PRORP: variants seen among roughly 807,000 people sequenced by gnomAD.
PRORP encodes the protein protein only RNase P catalytic subunit, also known as mitochondrial ribonuclease P catalytic subunit.
PRORP carries 51 observed loss-of-function variants against 59.4 expected under a neutral mutation model. The ratio of observed to expected loss-of-function variants is 0.86; its 90% CI spans 0.69 to 1.08. The LOEUF (loss-of-function observed/expected upper bound fraction) is 1.08. Ranked by LOEUF, PRORP falls within the 50% of genes least tolerant of loss-of-function variation. The pLI, the probability that PRORP is intolerant of heterozygous loss-of-function variation, is 0.00. For synonymous variants in PRORP, 231 were observed against 245.6 expected, an observed-to-expected ratio of 0.94 and a Z score of 0.55; for missense variants, 646 against 690.3, an observed-to-expected ratio of 0.94 and a Z score of 0.72.
chr14:35,217,500 C>CAAAAA, intron 5 of PRORP, among the ~76,000 whole-genome samples: 1 of 73,830 alleles, frequency 1.4e-5, no homozygotes, highest in Non-Finnish European at 2.9e-5. Flanking sequence ...GACTCTGTCT[C>CAAAAA]AAAAAAAAAA....
At chr14:35,268,444 G>A (rs2051103483) in intron 6 of PRORP, among the ~76,000 whole-genome samples, 1 of 151,424 alleles carries the variant, frequency 6.6e-6, no homozygotes, top group Admixed American at 6.6e-5. Context: ...CAGCACATAT[G>A]AACTCAATGC....
intron 4 of PRORP, among the ~76,000 whole-genome samples, chr14:35,138,026 A>C (rs2047410925): frequency 6.9e-6 from 1 of 145,576 alleles, no homozygotes; most frequent in African/African-American, 2.4e-5. Context: ...GCAGAAATTC[A>C]TTTTCTCACC....
At chr14:35,157,157 A>T (rs1026466634) in intron 4 of PRORP, among the ~76,000 whole-genome samples, 1 of 151,848 alleles carries the variant, frequency 6.6e-6, no homozygotes, top group Non-Finnish European at 1.5e-5. Context: ...GGGTTTCACT[A>T]TGTTAGCCAG....
chr14:35,237,767 T>G (rs1235835184), intron 5 of PRORP, among the ~76,000 whole-genome samples: 1 of 152,176 alleles, frequency 6.6e-6, no homozygotes, highest in Non-Finnish European at 1.5e-5. Context: ...CAAGAGATTC[T>G]CCTGCCTCAG....
Position 35,123,857 on chromosome 14 carries a change from A to C in PRORP, c.612A>C (p.Arg204Ser). ...ATGTCTTTGAAATTATGAAAGCCAGATATAAGACTTTAGAACCTAGAGGTT... is the reference window on the plus strand; with the variant it reads ...ATGTCTTTGAAATTATGAAAGCCAGCTATAAGACTTTAGAACCTAGAGGTT... ...VIDVFEIMKA[R>S]YKTLEPRGYS... Residue 204 changes from arginine (R) to serine (S), a missense_variant, in exon 2 of 8, where the codon AGA (arginine) becomes AGC (serine). By Grantham distance (110) the Arg-to-Ser change is moderately radical. Coordinates refer to ENST00000534898, the MANE Select transcript of PRORP (RefSeq NM_014672.4). 1 of 1,614,150 alleles carries C rather than the reference A, an allele frequency of 6.2e-7. No individual in the cohort carries two copies. The highest frequency in any genetic ancestry group is 2.2e-5 in the East Asian group (1 of 44,884).
chr14:35,268,391 A>G (rs1478078785), intron 6 of PRORP, among the ~76,000 whole-genome samples: 3 of 151,830 alleles, frequency 2.0e-5, no homozygotes, highest in Non-Finnish European at 4.4e-5. Context: ...GTAGCCATAA[A>G]GTAAGAAGAA....
intron 5 of PRORP, among the ~76,000 whole-genome samples, chr14:35,248,653 T>C (rs1013468826): frequency 6.6e-6 from 1 of 152,212 alleles, no homozygotes; most frequent in Non-Finnish European, 1.5e-5. Context: ...TATTTGAAAC[T>C]AGAAGCCTCA....
chr14:35,135,861 G>A (rs927575546), intron 4 of PRORP, among the ~76,000 whole-genome samples: 4 of 151,844 alleles, frequency 2.6e-5, no homozygotes, highest in African/African-American at 9.7e-5. Flanking sequence ...AGGAGGCTGA[G>A]GCAGAAGAAT....
At position 35,143,704 on chromosome 14, in the gene PRORP, A is replaced by G. The variant is rs1016439652; in HGVS notation, c.1167+16093A>G. Among the ~76,000 whole-genome samples, 12 of 144,858 alleles carry G rather than the reference A, an allele frequency of 8.3e-5. 1 individual carries two copies. The South Asian group carries it at 2.5e-3, about 30-fold the overall frequency. ...CTCTTGTTGCCTAGGCTGGAGTGCAATGGCGCGATCTCGGCTCACCGCAAC... is the reference window on the plus strand; with the variant it reads ...CTCTTGTTGCCTAGGCTGGAGTGCAGTGGCGCGATCTCGGCTCACCGCAAC... On this transcript the variant is annotated intron_variant, in intron 4 of 7. Coordinates refer to ENST00000534898, the MANE Select transcript of PRORP (RefSeq NM_014672.4).
At chr14:35,254,952 C>T (rs1487197198) in intron 5 of PRORP, among the ~76,000 whole-genome samples, 2 of 152,106 alleles carry the variant, frequency 1.3e-5, no homozygotes, top group Non-Finnish European at 2.9e-5. Flanking sequence ...CCTTGCCGGG[C>T]TAGTTCATCT....
chr14:35,183,242 A>G (rs200138479), intron 5 of PRORP, among the ~76,000 whole-genome samples: 6 of 145,090 alleles, frequency 4.1e-5, no homozygotes, highest in Non-Finnish European at 7.7e-5. Flanking sequence ...ACACACACGC[A>G]CACACACACA....
intron 5 of PRORP, among the ~76,000 whole-genome samples, chr14:35,189,741 A>G (rs1365985773): frequency 6.6e-6 from 1 of 152,180 alleles, no homozygotes; most frequent in Non-Finnish European, 1.5e-5. Flanking sequence ...GACTCTTTTC[A>G]TTAAAGATTT....
At chr14:35,188,695 G>C (rs1595270404) in intron 5 of PRORP, among the ~76,000 whole-genome samples, 1 of 151,604 alleles carries the variant, frequency 6.6e-6, no homozygotes, top group African/African-American at 2.4e-5. Context: ...CATTGCCTAA[G>C]AGCCGGGCGC....
chr14:35,239,649 T>C (rs1311321613), intron 5 of PRORP, among the ~76,000 whole-genome samples: 1 of 152,238 alleles, frequency 6.6e-6, no homozygotes, highest in Non-Finnish European at 1.5e-5. Context: ...CATTGTTTCT[T>C]TGGCATTTCA....
At chr14:35,179,567 G>T (rs576465530) in intron 4 of PRORP, among the ~76,000 whole-genome samples, 2 of 152,162 alleles carry the variant, frequency 1.3e-5, no homozygotes, top group African/African-American at 4.8e-5. Context: ...CGTAGTTCTC[G>T]TGCCATGGTT....
In PRORP at chr14:35,273,498, G is replaced by A; in HGVS notation, c.1684G>A (p.Glu562Lys). The A allele has an allele frequency of 2.5e-6, 4 of 1,613,664 alleles. No individual in the cohort carries two copies. Among genetic ancestry groups the A allele is most frequent in the Non-Finnish European group, 3.4e-6 (4 of 1,179,766 alleles). ...AGACTCGTGGCACATACCATATGAT[G>A]AAGACTTGGTAGAAAGATGTTCCTG... ...TGDSWHIPYD[E>K]DLVERCSCEV... Residue 562 changes from glutamate (E) to lysine (K), a missense_variant, in exon 8 of 8, where the codon GAA (glutamate) becomes AAA (lysine). Physicochemically the swap from Glu to Lys is moderately conservative, Grantham distance 56. Coordinates refer to ENST00000534898, the MANE Select transcript of PRORP (RefSeq NM_014672.4).
chr14:35,236,985 C>G (rs905823557), intron 5 of PRORP, among the ~76,000 whole-genome samples: 1 of 149,624 alleles, frequency 6.7e-6, no homozygotes, highest in Admixed American at 6.7e-5. Flanking sequence ...CTTTCTTCCT[C>G]CCTCCCTCCT....
intron 5 of PRORP, among the ~76,000 whole-genome samples, chr14:35,233,560 G>T (rs2138506694): frequency 6.9e-6 from 1 of 145,010 alleles, no homozygotes; most frequent in South Asian, 2.1e-4. Context: ...GGTGGAAGAG[G>T]ATTTTGTGGA....
chr14:35,188,961 A>AAAAAAAAG (rs1555326788), intron 5 of PRORP, among the ~76,000 whole-genome samples: 2 of 132,774 alleles, frequency 1.5e-5, no homozygotes, highest in Admixed American at 8.2e-5. Flanking sequence ...AAAAAAAAAA[A>AAAAAAAAG]AAAGTATTGC....
Sources: gnomAD v4.1 joint callset for allele counts (sites outside exome capture counted in the v4.1 genomes callset) on GRCh38, gnomAD v4.1.1 for gene constraint, MANE v1.5 for transcripts, NCBI Gene and HGNC (gene_info 2026-07-23, HGNC 2026-07-21) for gene names.